BBS2: variants seen among roughly 807,000 people sequenced by gnomAD.
BBS2 encodes the protein Bardet-Biedl syndrome 2, also known as BBSome complex member BBS2.
BBS2 carries 62 observed loss-of-function variants against 83.0 expected under a neutral mutation model. That is an observed-to-expected ratio of 0.75 (90% CI 0.61 to 0.92). BBS2 has a LOEUF of 0.92. BBS2 is among the 40% of genes least tolerant of loss of function. BBS2 has a pLI of 0.00. For missense variants in BBS2, 784 were observed against 901.0 expected (o/e 0.87, Z 1.66); for synonymous variants, 303 against 326.1 (o/e 0.93, Z 0.76).
chr16:56,470,695 C>T lies in BBS2; in HGVS notation c.*1G>A. On this transcript the variant is annotated splice_region_variant and 3_prime_UTR_variant, in exon 18 of 18. Coordinates refer to the BBS2 transcript ENST00000682047. Reference sequence around the variant, plus strand: ...TGAAGAAGGGACTAGCCATAGTCCTCCTGAGCCAGAGAATAATCAGATGGC... The same window carrying T: ...TGAAGAAGGGACTAGCCATAGTCCTTCTGAGCCAGAGAATAATCAGATGGC... 6.2e-7 allele frequency: 1 copy of T among 1,614,070 alleles called. No individual in the cohort carries two copies. The highest frequency in any genetic ancestry group is 8.5e-7 in the Non-Finnish European group (1 of 1,179,968).
chr16:56,519,082 G>C (rs1964836465), intron 1 of BBS2, among the ~76,000 whole-genome samples: 1 of 152,276 alleles, frequency 6.6e-6, no homozygotes, highest in Non-Finnish European at 1.5e-5. Flanking sequence ...TGTAATCCTA[G>C]TACTTTGGGA....
intron 1 of BBS2, among the ~76,000 whole-genome samples, chr16:56,516,525 T>C (rs577998167): frequency 6.6e-6 from 1 of 152,048 alleles, no homozygotes; most frequent in East Asian, 1.9e-4. Context: ...GCCTCCCGAG[T>C]AGCTGGGATT....
intron 1 of BBS2, among the ~76,000 whole-genome samples, chr16:56,516,858 TGA>T (rs1964765849): frequency 3.3e-5 from 5 of 152,214 alleles, no homozygotes; most frequent in Non-Finnish European, 1.5e-5. Context: ...TGGCATTACT[TGA>T]GTCATAAAAT....
intron 15 of BBS2, among the ~76,000 whole-genome samples, chr16:56,487,784 T>C (rs1229198577): frequency 2.0e-5 from 3 of 151,904 alleles, no homozygotes; most frequent in Non-Finnish European, 4.4e-5. Flanking sequence ...CAAGCACAAG[T>C]AGCTAGGAAA....
intron 14 of BBS2, 90 bp from the exon 15 acceptor site, chr16:56,497,169 GA>G: frequency 1.1e-6 from 1 of 871,896 alleles, no homozygotes; most frequent in Non-Finnish European, 2.0e-6. Flanking sequence ...CAGATACAGA[GA>G]CCCCCTTCTT....
chr16:56,472,721 A>G (rs191052435), intron 17 of BBS2, among the ~76,000 whole-genome samples: 1 of 152,338 alleles, frequency 6.6e-6, no homozygotes, highest in East Asian at 1.9e-4. Context: ...CTATGTAGAC[A>G]TATACATGTA....
intron 15 of BBS2, among the ~76,000 whole-genome samples, chr16:56,488,044 TAC>T (rs1432160960): frequency 6.6e-6 from 1 of 152,188 alleles, no homozygotes; most frequent in African/African-American, 2.4e-5. Flanking sequence ...CACTGAACCG[TAC>T]ACTAAAAGTA....
chr16:56,485,199 T>C (rs1173786206), intron 16 of BBS2, among the ~76,000 whole-genome samples: 1 of 152,220 alleles, frequency 6.6e-6, no homozygotes. Context: ...TTCTGCTTCC[T>C]TGGGTTTATC....
At chr16:56,496,820 T>G in intron 15 of BBS2, 147 bp downstream of exon 15, 1 of 717,450 alleles carries the variant, frequency 1.4e-6, no homozygotes, top group South Asian at 1.5e-5. Flanking sequence ...ATAGAGGACA[T>G]GCATTTTCAA....
At chr16:56,509,741 T>G in intron 5 of BBS2, 1 of 538,162 alleles carries the variant, frequency 1.9e-6, no homozygotes, top group Non-Finnish European at 3.3e-6. Context: ...TGCAATAATT[T>G]TTCTCTATTT....
intron 15 of BBS2, among the ~76,000 whole-genome samples, chr16:56,492,769 C>A (rs1439998429): frequency 6.6e-6 from 1 of 152,194 alleles, no homozygotes; most frequent in Non-Finnish European, 1.5e-5. Context: ...CAATCTCATA[C>A]ATTGCTTATG....
chr16:56,477,111 A>G (rs1362596387), intron 17 of BBS2: 2 of 152,212 alleles, frequency 1.3e-5, no homozygotes, highest in Non-Finnish European at 2.9e-5. Context: ...CCTGGGCAAC[A>G]AGAGTGAAAC....
rs201699614 is a variant in BBS2, at chr16:56,510,598, C to T, written c.534+261G>A. ...ATAAGACCGTGAATATGACTGAAAT[C>T]CCAACTCTTCTACCCTCTCTGCCCT... On this transcript the variant is annotated intron_variant, in intron 4 of 16. Transcript: ENST00000245157. 2.8e-3 allele frequency among the ~76,000 whole-genome samples: 428 copies of T among 152,294 alleles called. 4 individuals carry two copies. Among genetic ancestry groups the T allele is most frequent in the African/African-American group, 9.8e-3 (406 of 41,540 alleles).
At chr16:56,508,594 T>C (rs951544997) in intron 5 of BBS2, among the ~76,000 whole-genome samples, 2 of 152,108 alleles carry the variant, frequency 1.3e-5, no homozygotes, top group Admixed American at 1.3e-4. Context: ...TAGATAGTGC[T>C]TTTTGCTTTA....
At chr16:56,504,881 C>T (rs1427849715) in intron 7 of BBS2, among the ~76,000 whole-genome samples, 2 of 152,142 alleles carry the variant, frequency 1.3e-5, no homozygotes, top group African/African-American at 4.8e-5. Context: ...GCAAGTAGAG[C>T]TTGTGAGAGG....
At chr16:56,514,876 T>C (rs1432125917) in intron 1 of BBS2, among the ~76,000 whole-genome samples, 196 bp from the exon 2 acceptor site, 1 of 152,192 alleles carries the variant, frequency 6.6e-6, no homozygotes, top group Non-Finnish European at 1.5e-5. Flanking sequence ...GGAAATCCAG[T>C]GGTTCTTAGC....
At chr16:56,496,771 T>C (rs1184754203) in intron 15 of BBS2, among the ~76,000 whole-genome samples, 196 bp downstream of exon 15, 1 of 152,256 alleles carries the variant, frequency 6.6e-6, no homozygotes, top group East Asian at 1.9e-4. Context: ...AAGCTGTAAC[T>C]TTCCCTAAGC....
rs547059523 is a variant in BBS2 at position 56,501,397 on chromosome 16, T to C, written c.1181A>G (p.Glu394Gly). The C allele has an allele frequency of 6.2e-7, 1 of 1,614,160 alleles. No homozygotes were observed. Among genetic ancestry groups the C allele is most frequent in the Admixed American group, 1.7e-5 (1 of 60,008 alleles). The change falls in exon 10 of 17, where the codon GAG (glutamate) becomes GGG (glycine). Residue 394 changes from glutamate to glycine, a missense_variant. By Grantham distance (98) the Glu-to-Gly change is moderately conservative (BLOSUM62 -2). Coordinates refer to ENST00000245157, the MANE Select transcript of BBS2 (RefSeq NM_031885.5). ...TAATTCTGTATGAGCAGTTTGGGTC[T>C]CATTCCCCAGGCTGACTGAGAGCGT... ...HTTLSVSLGN[E>G]TQTAHTELRI...
intron 2 of BBS2, 120 bp from the exon 3 acceptor site, chr16:56,511,404 T>C (rs1964573147): frequency 2.9e-6 from 4 of 1,389,028 alleles, no homozygotes; most frequent in East Asian, 2.3e-5. Flanking sequence ...TTATCCATAA[T>C]GTGGGTGGGC....
Sources: allele counts gnomAD v4.1 joint callset (sites outside exome capture counted in the v4.1 genomes callset), GRCh38; gene constraint gnomAD v4.1.1; transcripts MANE v1.5; gene names NCBI Gene and HGNC (gene_info 2026-07-23, HGNC 2026-07-21).